The following MCM9 variants were observed in gnomAD, a reference collection of about 807,000 sequenced individuals.
MCM9 encodes the protein DNA helicase MCM9.
A neutral mutation model predicts 72.8 loss-of-function variants in MCM9; 55 were observed. The ratio of observed to expected loss-of-function variants is 0.76; its 90% CI spans 0.61 to 0.95. MCM9 has a LOEUF of 0.95. MCM9 is among the 40% of genes least tolerant of loss of function. MCM9 has a pLI of 0.00. For synonymous variants in MCM9, 480 were observed against 503.4 expected (o/e 0.95, Z 0.62); for missense variants, 1,279 against 1,377.0 (o/e 0.93, Z 1.13).
At chr6:118,892,596 C>T (rs1368565798) in intron 8 of MCM9, among the ~76,000 whole-genome samples, 2 of 152,194 alleles carry the variant, frequency 1.3e-5, no homozygotes, top group Non-Finnish European at 2.9e-5. Flanking sequence ...TGTCTTACAG[C>T]ATACAGCAAT....
rs566350115 is a variant in MCM9, at chr6:118,818,560, G to A, written c.1962-2266C>T. Among the ~76,000 whole-genome samples the A allele has an allele frequency of 1.2e-4, 18 of 152,296 alleles. No individual in the cohort carries two copies. The South Asian group carries it at 3.3e-3, about 28-fold the overall frequency. On this transcript the variant is annotated intron_variant, in intron 13 of 13. Transcript: ENST00000619706. ...GCAGTATAGTTTGAAGTCAGGTAGC[G>A]TGATGCCTCCAGCTTTGTTCTTTTT...
At chr6:118,822,944 C>T (rs115305233) in intron 13 of MCM9, among the ~76,000 whole-genome samples, 1,572 of 152,210 alleles carry the variant, frequency 0.01, 28 homozygotes, top group African/African-American at 0.036. Flanking sequence ...GCCTCAGTAA[C>T]GGGGGACACT....
intron 13 of MCM9, among the ~76,000 whole-genome samples, chr6:118,818,651 C>G (rs1411789288): frequency 6.6e-6 from 1 of 152,096 alleles, no homozygotes; most frequent in African/African-American, 2.4e-5. Context: ...GTAGTTTTTC[C>G]TAGTTCTGTG....
intron 8 of MCM9, among the ~76,000 whole-genome samples, chr6:118,900,075 C>T (rs1367293159): frequency 6.6e-6 from 1 of 152,150 alleles, no homozygotes; most frequent in Non-Finnish European, 1.5e-5. Flanking sequence ...AATGTCTTTT[C>T]CTCCTGCCTA....
chr6:118,928,137 C>A (rs1016793301), intron 3 of MCM9, among the ~76,000 whole-genome samples: 2 of 152,182 alleles, frequency 1.3e-5, no homozygotes, highest in African/African-American at 4.8e-5. Flanking sequence ...TCAGGCCAGG[C>A]ATGGTGGCTC....
chr6:118,933,723 C>T (rs11967231), intron 1 of MCM9, among the ~76,000 whole-genome samples: 87,866 of 151,530 alleles, frequency 0.58, 25,991 homozygotes, highest in East Asian at 0.69. Context: ...TCTCTGAGAA[C>T]CTACTATTCC....
chr6:118,841,835 CT>C (rs750136757), intron 9 of MCM9, among the ~76,000 whole-genome samples: 1,595 of 134,664 alleles, frequency 0.012, 18 homozygotes, highest in African/African-American at 0.035. Context: ...GCTATCTTGC[CT>C]TTTTTTTTTT....
intron 8 of MCM9, chr6:118,894,648 G>A (rs1399535136): frequency 2.4e-6 from 2 of 827,640 alleles, no homozygotes; most frequent in Non-Finnish European, 1.9e-6. Flanking sequence ...CTCTGCGGAG[G>A]GAAACTTGAA....
intron 13 of MCM9, among the ~76,000 whole-genome samples, chr6:118,819,217 T>A (rs1273536794): frequency 6.6e-6 from 1 of 152,200 alleles, no homozygotes; most frequent in Non-Finnish European, 1.5e-5. Flanking sequence ...GGGGAATGCT[T>A]CCAGCTTTTG....
chr6:118,834,112 T>C (rs770454068), intron 9 of MCM9, among the ~76,000 whole-genome samples: 1 of 151,898 alleles, frequency 6.6e-6, no homozygotes, highest in Admixed American at 6.6e-5. Context: ...GAACATGCAG[T>C]GTTTGGTTTT....
At chr6:118,883,116 G>C (rs1778398622) in intron 8 of MCM9, among the ~76,000 whole-genome samples, 1 of 129,360 alleles carries the variant, frequency 7.7e-6, no homozygotes, top group South Asian at 2.5e-4. Flanking sequence ...TCAACAAATA[G>C]AGAATATCAA....
Position 118,814,946 on chromosome 6 carries a change from A to G in MCM9, c.3310T>C (p.Phe1104Leu). ...APMRVSKRKS[F>L]QLRGSTEKLI... is the part of the protein sequence containing the mutation. ...TTCTCGGTGGACCCACGGAGCTGAA[A>G]AGATTTCCTTTTACTGACACGCATT... Residue 1104 changes from phenylalanine (F) to leucine (L), a missense_variant, in exon 14 of 14, where the codon TTT becomes CTT. Phe to Leu is a conservative substitution (Grantham distance 22). Coordinates refer to ENST00000619706, the MANE Select transcript of MCM9 (RefSeq NM_017696.3). 1 of 1,550,428 alleles carries G rather than the reference A, an allele frequency of 6.4e-7. No homozygotes were observed. Among genetic ancestry groups the G allele is most frequent in the Non-Finnish European group, 8.7e-7 (1 of 1,146,952 alleles).
chr6:118,835,086 C>T (rs764457745), intron 9 of MCM9, among the ~76,000 whole-genome samples: 1 of 152,194 alleles, frequency 6.6e-6, no homozygotes, highest in Non-Finnish European at 1.5e-5. Context: ...GTTTTCCCAA[C>T]ACCATTTATT....
chr6:118,921,889 C>T, intron 5 of MCM9, 116 bp downstream of exon 5: 1 of 728,192 alleles, frequency 1.4e-6, no homozygotes, highest in Admixed American at 2.6e-5. Flanking sequence ...TCAAGGTGAG[C>T]AATTACAGCT....
At chr6:118,863,477 T>C (rs1328916506) in intron 8 of MCM9, among the ~76,000 whole-genome samples, 4 of 152,060 alleles carry the variant, frequency 2.6e-5, no homozygotes, top group African/African-American at 4.8e-5. Context: ...AAGACAAAAA[T>C]AGGGACAAAG....
rs1178008210 is a variant in MCM9, at chr6:118,934,982, A to G, written c.-241T>C. ...AGGCAGCGGGTTCGTCTCCGGCGCA[A>G]GAAGGCTGGTGAGGCGGAGTGCGCG... On this transcript the variant is annotated 5_prime_UTR_variant, in exon 1 of 14. Transcript: ENST00000619706. 2 of 152,222 alleles carry G rather than the reference A, an allele frequency of 1.3e-5. No homozygotes were observed. The highest frequency in any genetic ancestry group is 2.9e-5 in the Non-Finnish European group (2 of 68,072). 9.4% of individuals were successfully genotyped at this position (152,222 alleles called of 1,614,324 possible).
intron 9 of MCM9, among the ~76,000 whole-genome samples, chr6:118,853,325 A>T (rs1462578947): frequency 1.3e-5 from 2 of 152,232 alleles, no homozygotes; most frequent in Non-Finnish European, 2.9e-5. Context: ...CTTTATAGCA[A>T]ATCTTAAAAC....
At position 118,853,446 on chromosome 6, in the gene MCM9, AT is replaced by A. The variant is rs772558186; in HGVS notation, c.1325+2924del. ...GATTTCTACAAAAAAGCTTGTTGGG[AT>A]TTTTTTTTTTGTTAATTTCAATAGG... On this transcript the variant is annotated intron_variant, in intron 9 of 13. Coordinates refer to ENST00000619706, the MANE Select transcript of MCM9 (RefSeq NM_017696.3). 7.0e-3 allele frequency among the ~76,000 whole-genome samples: 1,024 copies of A among 147,012 alleles called. 6 individuals carry two copies. The highest frequency in any genetic ancestry group is 0.023 in the African/African-American group (926 of 40,298).
intron 8 of MCM9, among the ~76,000 whole-genome samples, chr6:118,880,499 G>C (rs779212976): frequency 3.3e-5 from 5 of 152,126 alleles, no homozygotes; most frequent in Admixed American, 1.3e-4. Flanking sequence ...ATACAGAAAG[G>C]ACTTTCAGCC....
Sources: gnomAD v4.1 joint callset for allele counts (sites outside exome capture counted in the v4.1 genomes callset) on GRCh38, gnomAD v4.1.1 for gene constraint, MANE v1.5 for transcripts, NCBI Gene and HGNC (gene_info 2026-07-23, HGNC 2026-07-21) for gene names.